The following DENND1A variants were observed in gnomAD, a reference collection of about 807,000 sequenced individuals.
The protein encoded by DENND1A is DENN domain containing 1A, also known as DENN domain-containing protein 1A.
A neutral mutation model predicts 113.7 loss-of-function variants in DENND1A; 51 were observed. The observed-to-expected ratio is 0.45, with a 90% CI of 0.36 to 0.57. The LOEUF is 0.57. Ranked by LOEUF, DENND1A falls within the 20% of genes least tolerant of loss-of-function variation. The pLI is 0.00. For missense variants in DENND1A, 1,258 were observed against 1,395.9 expected (o/e 0.90, Z 1.57); for synonymous variants, 565 against 570.8 (o/e 0.99, Z 0.14).
At chr9:123,562,448 C>T (rs1362382474) in intron 12 of DENND1A, among the ~76,000 whole-genome samples, 6 of 152,112 alleles carry the variant, frequency 3.9e-5, no homozygotes, top group Non-Finnish European at 7.4e-5. Flanking sequence ...AAGGACATGG[C>T]GGTACTCTAT....
chr9:123,438,823 A>G (rs2046712782), intron 19 of DENND1A, among the ~76,000 whole-genome samples: 1 of 152,164 alleles, frequency 6.6e-6, no homozygotes, highest in African/African-American at 2.4e-5. Context: ...GACATTAAAG[A>G]ATCTCTACTT....
At chr9:123,562,249 C>T (rs975696790) in intron 12 of DENND1A, among the ~76,000 whole-genome samples, 1 of 152,154 alleles carries the variant, frequency 6.6e-6, no homozygotes, top group African/African-American at 2.4e-5. Context: ...ACTTGGATGT[C>T]CAGAAGCACA....
chr9:123,436,992 C>T (rs892043053), intron 19 of DENND1A, among the ~76,000 whole-genome samples: 2 of 152,116 alleles, frequency 1.3e-5, no homozygotes, highest in Non-Finnish European at 2.9e-5. Context: ...ATTAAAGTGT[C>T]CAACTTGGGA....
intron 3 of DENND1A, among the ~76,000 whole-genome samples, chr9:123,789,481 G>C (rs757321375): frequency 1.3e-5 from 2 of 152,142 alleles, no homozygotes; most frequent in South Asian, 2.1e-4. Context: ...TTCTTCTGTA[G>C]TGATGGATCA....
At chr9:123,863,568 C>G (rs1161212603) in intron 2 of DENND1A, among the ~76,000 whole-genome samples, 3 of 151,742 alleles carry the variant, frequency 2.0e-5, no homozygotes, top group Non-Finnish European at 4.4e-5. Context: ...AAATTTGCCA[C>G]TGCAATCACA....
intron 21 of DENND1A, among the ~76,000 whole-genome samples, chr9:123,397,488 T>G (rs2043193786): frequency 6.6e-6 from 1 of 152,178 alleles, no homozygotes; most frequent in Non-Finnish European, 1.5e-5. Context: ...ATTTTTTATA[T>G]TAATGAAAAC....
In DENND1A at chr9:123,387,807, AGAG is replaced by A. The variant is rs1261533780; in HGVS notation, c.1680_1682del (p.Ser561del). ...CCTCTTCCCGCTGGCATTCATCATCAGAGGAGTCTTCGGAGAGGAAGACCGCAT... is the reference window on the plus strand; with the variant it reads ...CCTCTTCCCGCTGGCATTCATCATCAGAGTCTTCGGAGAGGAAGACCGCAT... On this transcript the variant is annotated inframe_deletion, in exon 22 of 24. Transcript: ENST00000394215. 1.2e-5 allele frequency: 15 copies of A among 1,289,940 alleles called. No homozygotes were observed. Among genetic ancestry groups the A allele is most frequent in the Non-Finnish European group, 1.5e-5 (15 of 988,942 alleles). The allele number at this position is 1,289,940 out of a possible 1,614,324, so 79.9% of individuals were successfully genotyped here.
Position 123,430,685 on chromosome 9 carries a change from G to A in DENND1A, c.1488+9675C>T, listed in dbSNP as rs143461618. Among the ~76,000 whole-genome samples, 340 of 152,290 alleles carry A rather than the reference G, an allele frequency of 2.2e-3. 2 individuals are homozygous for A. Among genetic ancestry groups the A allele is most frequent in the African/African-American group, 7.9e-3 (327 of 41,550 alleles). On this transcript the variant is annotated intron_variant, in intron 19 of 23. Transcript: ENST00000394215. ...GGAGCCTGTCAGTGGTGGGTGGGGA[G>A]GCGAGCCAGAGCATCAGGAAGAATA...
chr9:123,846,925 A>T (rs1467055407), intron 2 of DENND1A, among the ~76,000 whole-genome samples: 1 of 152,236 alleles, frequency 6.6e-6, no homozygotes, highest in African/African-American at 2.4e-5. Flanking sequence ...ATCTTTTATT[A>T]ATGGGCAAAT....
chr9:123,590,412 G>C (rs968802801), intron 11 of DENND1A, among the ~76,000 whole-genome samples: 5 of 152,120 alleles, frequency 3.3e-5, no homozygotes, highest in African/African-American at 1.2e-4. Context: ...AGCCAGTCTG[G>C]GTTCTAATTA....
intron 1 of DENND1A, among the ~76,000 whole-genome samples, chr9:123,928,414 T>G (rs1392522803): frequency 6.6e-6 from 1 of 152,216 alleles, no homozygotes. Flanking sequence ...AGTTTACAAC[T>G]CTTACTTGGA....
intron 19 of DENND1A, among the ~76,000 whole-genome samples, chr9:123,417,180 T>C (rs1403988087): frequency 1.3e-5 from 2 of 152,234 alleles, no homozygotes; most frequent in Non-Finnish European, 2.9e-5. Context: ...CACGAGGTTC[T>C]GGTTTGATAT....
chr9:123,595,047 T>A (rs1210151002), intron 11 of DENND1A, among the ~76,000 whole-genome samples: 1 of 152,212 alleles, frequency 6.6e-6, no homozygotes, highest in African/African-American at 2.4e-5. Flanking sequence ...ATGAACGCAG[T>A]GGCTTTTCTT....
chr9:123,833,813 C>T (rs1840652614), intron 2 of DENND1A, among the ~76,000 whole-genome samples: 1 of 152,210 alleles, frequency 6.6e-6, no homozygotes, highest in Non-Finnish European at 1.5e-5. Flanking sequence ...GTAATCCCAG[C>T]ACTTTGGGAG....
At chr9:123,684,093 C>T (rs2064649815) in intron 5 of DENND1A, among the ~76,000 whole-genome samples, 1 of 151,056 alleles carries the variant, frequency 6.6e-6, no homozygotes, top group Non-Finnish European at 1.5e-5. Flanking sequence ...TTGCCCATCT[C>T]CTCAACACAA....
At chr9:123,614,393 C>T (rs2060549661) in intron 10 of DENND1A, among the ~76,000 whole-genome samples, 1 of 152,166 alleles carries the variant, frequency 6.6e-6, no homozygotes, top group African/African-American at 2.4e-5. Flanking sequence ...TGAGCTTATT[C>T]CCAGCAAGGA....
At chr9:123,544,055 C>T (rs1473941386) in intron 13 of DENND1A, among the ~76,000 whole-genome samples, 1 of 152,146 alleles carries the variant, frequency 6.6e-6, no homozygotes, top group East Asian at 1.9e-4. Context: ...TAATACAATC[C>T]CTAATAAATA....
chr9:123,763,834 G>T (rs1027555006), intron 4 of DENND1A, among the ~76,000 whole-genome samples: 1 of 152,034 alleles, frequency 6.6e-6, no homozygotes, highest in Non-Finnish European at 1.5e-5. Flanking sequence ...AGATGACCTC[G>T]ATAAAAACAG....
intron 9 of DENND1A, among the ~76,000 whole-genome samples, chr9:123,648,167 G>C (rs1367728693): frequency 6.6e-6 from 1 of 152,144 alleles, no homozygotes; most frequent in African/African-American, 2.4e-5. Flanking sequence ...GCAAAGCCAT[G>C]ATCCTGGGCT....
Sources: allele counts gnomAD v4.1 joint callset (sites outside exome capture counted in the v4.1 genomes callset), GRCh38; gene constraint gnomAD v4.1.1; transcripts MANE v1.5; gene names NCBI Gene and HGNC (gene_info 2026-07-23, HGNC 2026-07-21).